The following KDM5B variants were observed in gnomAD, a reference collection of about 807,000 sequenced individuals.
The protein encoded by KDM5B is lysine-specific demethylase 5B.
In KDM5B, 144 loss-of-function variants were observed where a neutral mutation model predicts 193.4. The observed-to-expected ratio is 0.74, with a 90% confidence interval of 0.65 to 0.86. KDM5B has a LOEUF of 0.86. Ranked by LOEUF, KDM5B falls within the 40% of genes least tolerant of loss-of-function variation. The probability of loss-of-function intolerance (pLI) is 0.00; values close to 1 mark genes in which losing one functional copy is unlikely to be tolerated. For missense variants in KDM5B, 1,833 were observed against 1,886.9 expected (o/e 0.97, Z 0.53); for synonymous variants, 668 against 682.6 (o/e 0.98, Z 0.33).
rs202207114 is a variant in KDM5B at position 202,808,081 on chromosome 1, C to A, written c.204+21G>T. 1.1e-4 allele frequency: 174 copies of A among 1,605,196 alleles called. No homozygotes were observed. The African/African-American group carries it at 2.3e-3, about 21-fold the overall frequency. On this transcript the variant is annotated intron_variant, in intron 1 of 26. Transcript: ENST00000367265. ...CCCTCCCCCAGCCACGAGCTGGATC[C>A]GGGGTGCTGGCGTGACTCACCGGCG... is the stretch of plus-strand genomic sequence containing the variant.
At chr1:202,773,757 G>C (rs942244562) in intron 3 of KDM5B, among the ~76,000 whole-genome samples, 2 of 145,786 alleles carry the variant, frequency 1.4e-5, no homozygotes, top group Non-Finnish European at 3.0e-5. Context: ...TTTTTTCTGA[G>C]ATGGAGTTTC....
chr1:202,729,169 T>A lies in KDM5B; in HGVS notation c.4502A>T (p.Asp1501Val). Residue 1501 changes from aspartate (D) to valine (V), a missense_variant, in exon 27 of 27, where the codon GAC becomes GTC. Physicochemically the swap from Asp to Val is radical, Grantham distance 152 (BLOSUM62 -3). Around this residue, in one of 3 missense-constraint regions of KDM5B, gnomAD observed 1,379 missense variants for 1,349.6 expected, o/e 1.02. Transcript: ENST00000367265. ...SCLQPEGDEV[D>V]WVQCDGSCNQ... ...GCAGCTGCCATCACACTGGACCCAG[T>A]CCACCTGGTTACAAAGAGCAGGAAG... is the stretch of plus-strand genomic sequence containing the variant. 6.2e-7 allele frequency: 1 copy of A among 1,614,034 alleles called. No individual in the cohort carries two copies. Among genetic ancestry groups the A allele is most frequent in the Non-Finnish European group, 8.5e-7 (1 of 1,179,966 alleles).
Position 202,729,140 on chromosome 1 carries a change from G to A in KDM5B, c.4531C>T (p.Gln1511Ter). Reference sequence around the variant, plus strand: ...CCAACACAGACCTGATGAAACCACTGATTGCAGCTGCCATCACACTGGACC... The same window carrying A: ...CCAACACAGACCTGATGAAACCACTAATTGCAGCTGCCATCACACTGGACC... ...DWVQCDGSCN[Q>*]WFHQVCVGVS... Residue 1511 changes from glutamine (Q) to a stop codon, truncating the protein, a stop_gained, in exon 27 of 27, where the codon CAG becomes TAG. Transcript: ENST00000367265. LOFTEE classifies it high-confidence loss of function. The A allele has an allele frequency of 6.2e-7, 1 of 1,614,138 alleles. No homozygotes were observed. Among genetic ancestry groups the A allele is most frequent in the Non-Finnish European group, 8.5e-7 (1 of 1,179,982 alleles).
intron 23 of KDM5B, 43 bp from the exon 24 acceptor site, chr1:202,731,982 T>A: frequency 7.9e-7 from 1 of 1,270,498 alleles, no homozygotes; most frequent in Non-Finnish European, 1.1e-6. Flanking sequence ...TCTTCAGGAT[T>A]AAAAATACTC....
chr1:202,751,677 C>T (rs1655797635), intron 12 of KDM5B, among the ~76,000 whole-genome samples: 1 of 152,182 alleles, frequency 6.6e-6, no homozygotes, highest in African/African-American at 2.4e-5. Flanking sequence ...TAGTTGTCAC[C>T]ACTGTCAAAC....
Position 202,756,497 on chromosome 1 carries a change from A to G in KDM5B, c.1217T>C (p.Val406Ala). The part of the protein sequence containing the change: ...MPVHMVPTEL[V>A]EKEFWRLVST... ...TACTAGTCTCCAAAATTCTTTCTCAACAAGCTCTGTGGGGACCATCTGGAA... is the reference window on the plus strand; with the variant it reads ...TACTAGTCTCCAAAATTCTTTCTCAGCAAGCTCTGTGGGGACCATCTGGAA... Residue 406 changes from valine to alanine, a missense_variant, in exon 10 of 27, where the codon GTT becomes GCT. Around this residue, in one of 3 missense-constraint regions of KDM5B, gnomAD observed 99 missense variants for 162.4 expected, o/e 0.61. Coordinates refer to ENST00000367265, the MANE Select transcript of KDM5B (RefSeq NM_006618.5). 1 of 1,607,452 alleles carries G rather than the reference A, an allele frequency of 6.2e-7. No homozygotes were observed. The highest frequency in any genetic ancestry group is 8.5e-7 in the Non-Finnish European group (1 of 1,177,240).
chr1:202,751,695 C>T (rs774874712), intron 12 of KDM5B, among the ~76,000 whole-genome samples: 3 of 152,174 alleles, frequency 2.0e-5, no homozygotes, highest in Non-Finnish European at 2.9e-5. Flanking sequence ...AACCACACCA[C>T]CCTTGTATTA....
At chr1:202,747,385 C>CA (rs1212741044) in intron 14 of KDM5B, among the ~76,000 whole-genome samples, 2 of 151,774 alleles carry the variant, frequency 1.3e-5, no homozygotes, top group African/African-American at 2.4e-5. Flanking sequence ...GAAAAAGTCT[C>CA]AGAGTTCTAA....
At chr1:202,750,603 A>C (rs1292902499) in intron 13 of KDM5B, 56 bp downstream of exon 13, 5 of 1,583,190 alleles carry the variant, frequency 3.2e-6, no homozygotes, top group Non-Finnish European at 4.3e-6. Flanking sequence ...ATTATATTCC[A>C]TTTCCTCAGG....
rs1427572654 is a variant in KDM5B at position 202,728,476 on chromosome 1, G to A, written c.*560C>T. ...TCCAGCCACTGAAACCAACATAGAA[G>A]TTATTGCTCAGATAAATAAACCTAG... On this transcript the variant is annotated 3_prime_UTR_variant, in exon 27 of 27. Coordinates refer to ENST00000367265, the MANE Select transcript of KDM5B (RefSeq NM_006618.5). The A allele has an allele frequency of 6.5e-6, 1 of 153,086 alleles. No individual in the cohort carries two copies. The highest frequency in any genetic ancestry group is 2.4e-5 in the African/African-American group (1 of 41,440). The allele number at this position is 153,086 out of a possible 1,614,324, so 9.5% of individuals were successfully genotyped here.
chr1:202,773,760 G>A (rs1476946831), intron 3 of KDM5B, among the ~76,000 whole-genome samples: 13 of 150,312 alleles, frequency 8.6e-5, no homozygotes, highest in Non-Finnish European at 1.6e-4. Flanking sequence ...TTTCTGAGAT[G>A]GAGTTTCTCT....
intron 13 of KDM5B, among the ~76,000 whole-genome samples, chr1:202,750,423 C>T (rs748828655): frequency 7.9e-5 from 12 of 152,064 alleles, no homozygotes; most frequent in African/African-American, 2.4e-4. Context: ...GGATTACAGG[C>T]GCCCACCGCC....
intron 10 of KDM5B, 61 bp from the exon 11 acceptor site, chr1:202,755,513 G>A: frequency 7.9e-7 from 1 of 1,260,310 alleles, no homozygotes; most frequent in Admixed American, 2.2e-5. Context: ...CGTTTTAGAA[G>A]GCCAGCTAAA....
intron 1 of KDM5B, among the ~76,000 whole-genome samples, chr1:202,786,563 A>G (rs903004877): frequency 1.3e-5 from 2 of 152,220 alleles, no homozygotes; most frequent in Non-Finnish European, 2.9e-5. Flanking sequence ...TTCTGCCATT[A>G]AAGCAAAAAT....
At chr1:202,792,719 G>C (rs1657689281) in intron 1 of KDM5B, among the ~76,000 whole-genome samples, 1 of 152,176 alleles carries the variant, frequency 6.6e-6, no homozygotes, top group Non-Finnish European at 1.5e-5. Context: ...CTGTAGGCCG[G>C]GCACAGTGGC....
chr1:202,767,265 G>GTATA, intron 4 of KDM5B: 1 of 1,604,454 alleles, frequency 6.2e-7, no homozygotes, highest in Non-Finnish European at 8.5e-7. Context: ...CTACAAGGAA[G>GTATA]GGTATAGCAA....
chr1:202,740,685 C>G lies in KDM5B; in HGVS notation c.3073G>C (p.Glu1025Gln). ...TTTTTAAAACCAACCTGCAGGCCCTCTACATCCTGAAGCCAGTCTCTGGCT... is the reference window on the plus strand; with the variant it reads ...TTTTTAAAACCAACCTGCAGGCCCTGTACATCCTGAAGCCAGTCTCTGGCT... ...QRARDWLQDV[E>Q]GLQAGGRVPV... Residue 1025 changes from glutamate to glutamine, a missense_variant, in exon 20 of 27, where the codon GAG becomes CAG. Physicochemically the swap from Glu to Gln is conservative, Grantham distance 29 (BLOSUM62 2). Around this residue, in one of 3 missense-constraint regions of KDM5B, gnomAD observed 1,379 missense variants for 1,349.6 expected, o/e 1.02. Transcript: ENST00000367265. 1.2e-6 allele frequency: 2 copies of G among 1,612,142 alleles called. No individual in the cohort carries two copies. Among genetic ancestry groups the G allele is most frequent in the South Asian group, 1.1e-5 (1 of 90,972 alleles).
intron 1 of KDM5B, among the ~76,000 whole-genome samples, chr1:202,790,736 T>G (rs1215048805): frequency 1.3e-5 from 2 of 151,124 alleles, no homozygotes; most frequent in African/African-American, 4.9e-5. Flanking sequence ...AAAATAATAA[T>G]AAATATAAAA....
intron 19 of KDM5B, among the ~76,000 whole-genome samples, chr1:202,741,124 C>G (rs1264915789): frequency 1.3e-5 from 2 of 152,112 alleles, no homozygotes; most frequent in Non-Finnish European, 2.9e-5. Context: ...TTCATTAAAC[C>G]AACTCTAGAA....
Sources: allele counts gnomAD v4.1 joint callset (sites outside exome capture counted in the v4.1 genomes callset), GRCh38; gene constraint gnomAD v4.1.1; regional missense constraint gnomAD v4.1.1; transcripts MANE v1.5; gene names NCBI Gene and HGNC (gene_info 2026-07-23, HGNC 2026-07-21).